The following BCAS3 variants were observed in gnomAD, a reference collection of about 807,000 sequenced individuals.
The protein encoded by BCAS3 is BCAS3 microtubule associated cell migration factor, also known as BCAS4/BCAS3 fusion.
A neutral mutation model predicts 116.1 loss-of-function variants in BCAS3; 53 were observed. That is an observed-to-expected ratio of 0.46 (90% CI 0.37 to 0.57). The LOEUF (loss-of-function observed/expected upper bound fraction) is 0.57. BCAS3 is among the 20% of genes least tolerant of loss of function. The pLI is 0.00. For missense variants in BCAS3, 917 were observed against 1,165.4 expected (o/e 0.79, Z 3.10); for synonymous variants, 391 against 408.2 (o/e 0.96, Z 0.51).
intron 22 of BCAS3, among the ~76,000 whole-genome samples, chr17:61,296,469 T>TC (rs2052918796): frequency 1.3e-5 from 2 of 152,202 alleles, no homozygotes; most frequent in Admixed American, 1.3e-4. Context: ...TCTGCCTCTT[T>TC]TTGAAAAAGG....
At chr17:61,357,245 A>AAAAT (rs142837090) in intron 22 of BCAS3, among the ~76,000 whole-genome samples, 19 of 139,650 alleles carry the variant, frequency 1.4e-4, no homozygotes, top group African/African-American at 4.0e-4. Flanking sequence ...ATATCTACAA[A>AAAAT]AAATAAATAA....
In BCAS3 at chr17:61,193,509, G is replaced by T. The variant is rs143460788; in HGVS notation, c.2425+108945G>T. On this transcript the variant is annotated intron_variant, in intron 22 of 23. Transcript: ENST00000407086. The stretch of plus-strand genomic sequence containing the variant: ...GCGGTGGCTCACGCCTGTAATCCCA[G>T]CACTTTGGGAGGCCGAGATGGGTGG... Among the ~76,000 whole-genome samples, 5 of 152,066 alleles carry T rather than the reference G, an allele frequency of 3.3e-5. 1 individual carries two copies. Among genetic ancestry groups the T allele is most frequent in the Admixed American group, 3.3e-4 (5 of 15,270 alleles).
At chr17:61,107,734 G>A (rs553440911) in intron 22 of BCAS3, among the ~76,000 whole-genome samples, 18 of 152,220 alleles carry the variant, frequency 1.2e-4, no homozygotes, top group African/African-American at 3.9e-4. Flanking sequence ...TATGGATGTC[G>A]CACAGTTTAG....
At chr17:61,100,410 G>A (rs756823538) in intron 22 of BCAS3, among the ~76,000 whole-genome samples, 27 of 152,188 alleles carry the variant, frequency 1.8e-4, no homozygotes, top group Non-Finnish European at 3.8e-4. Context: ...TTAAGCCAGA[G>A]AGAACTTACT....
At chr17:61,036,654 C>T (rs911245628) in intron 17 of BCAS3, among the ~76,000 whole-genome samples, 1 of 152,100 alleles carries the variant, frequency 6.6e-6, no homozygotes, top group Non-Finnish European at 1.5e-5. Flanking sequence ...GATAAGATGA[C>T]CTACCCAGCA....
In BCAS3 at chr17:61,364,136, G is replaced by A. The variant is rs773030507; in HGVS notation, c.2426-4191G>A. Among the ~76,000 whole-genome samples, 7 of 152,202 alleles carry A rather than the reference G, an allele frequency of 4.6e-5. No homozygotes were observed. Among genetic ancestry groups the A allele is most frequent in the African/African-American group, 9.6e-5 (4 of 41,456 alleles). ...CCACTGATTGTATCCTCTCTATGAC[G>A]TCTCAGGACGGTAGAAATGATCAGG... On this transcript the variant is annotated intron_variant, in intron 22 of 23. Transcript: ENST00000407086. The surrounding 1 kb of genome is among the most constrained non-coding windows in gnomAD (Gnocchi z 5.4).
intron 22 of BCAS3, among the ~76,000 whole-genome samples, chr17:61,206,881 C>G (rs1271857417): frequency 6.8e-6 from 1 of 146,170 alleles, no homozygotes; most frequent in Admixed American, 6.8e-5. Flanking sequence ...TTGATCCAAT[C>G]AAGTTGTTTT....
Position 61,128,483 on chromosome 17 carries a change from A to G in BCAS3, c.2425+43919A>G, listed in dbSNP as rs893323608. On this transcript the variant is annotated intron_variant, in intron 22 of 23. Transcript: ENST00000407086. This position sits in a 1 kb window ranked among gnomAD's most constrained non-coding sequence, Gnocchi z 4.1. ...ATTTGGAGAATGTTCTGTGTTTTCA[A>G]AGACAGAGGTTAACAAGCAATGGAC... 10 of 985,308 alleles carry G rather than the reference A, an allele frequency of 1.0e-5. No homozygotes were observed. The highest frequency in any genetic ancestry group is 1.7e-5 in the African/African-American group (1 of 57,248). The allele number at this position is 985,308 out of a possible 1,614,324, so 61.0% of individuals were successfully genotyped here.
chr17:61,059,593 A>G (rs1600854662), intron 19 of BCAS3, among the ~76,000 whole-genome samples: 1 of 152,182 alleles, frequency 6.6e-6, no homozygotes, highest in Non-Finnish European at 1.5e-5. Flanking sequence ...CACCTACTTT[A>G]TGACAGATAC....
intron 22 of BCAS3, among the ~76,000 whole-genome samples, chr17:61,117,706 A>G (rs1282787803): frequency 6.6e-6 from 1 of 152,066 alleles, no homozygotes; most frequent in Non-Finnish European, 1.5e-5. Context: ...GGTTTTTTAG[A>G]GCAATTTTAG....
rs117181723 is a variant in BCAS3, at chr17:60,750,378, A to G, written c.403+3099A>G. Among the ~76,000 whole-genome samples, 658 of 152,268 alleles carry G rather than the reference A, an allele frequency of 4.3e-3. 6 individuals carry two copies. The highest frequency in any genetic ancestry group is 0.017 in the East Asian group (86 of 5,180). The stretch of plus-strand genomic sequence containing the variant: ...TCTGCTTTAAAAATGTATACCAAGC[A>G]TCATACTCAGTGTTGATATATTGAA... On this transcript the variant is annotated intron_variant, in intron 6 of 23. Transcript: ENST00000407086.
chr17:61,111,765 A>C (rs2075109702), intron 22 of BCAS3, among the ~76,000 whole-genome samples: 3 of 121,268 alleles, frequency 2.5e-5, no homozygotes, highest in African/African-American at 9.2e-5. Flanking sequence ...GAGAAGAGCA[A>C]CTCCAAGACA....
intron 7 of BCAS3, among the ~76,000 whole-genome samples, chr17:60,817,047 A>G (rs1320653371): frequency 6.6e-6 from 1 of 152,204 alleles, no homozygotes. Flanking sequence ...AGCTCTCACC[A>G]AATAATCCCA....
chr17:60,947,432 C>T, intron 14 of BCAS3, 80 bp downstream of exon 14: 2 of 1,377,342 alleles, frequency 1.5e-6, no homozygotes, highest in Middle Eastern at 1.9e-4. Flanking sequence ...TATTACATTG[C>T]AGCTTAATGT....
Position 61,244,194 on chromosome 17 carries a change from G to A in BCAS3, c.2426-124133G>A, listed in dbSNP as rs1023643953. Among the ~76,000 whole-genome samples, 2 of 152,066 alleles carry A rather than the reference G, an allele frequency of 1.3e-5. No individual in the cohort carries two copies. Among genetic ancestry groups the A allele is most frequent in the Non-Finnish European group, 2.9e-5 (2 of 68,004 alleles). On this transcript the variant is annotated intron_variant, in intron 22 of 23. Coordinates refer to ENST00000407086, the MANE Select transcript of BCAS3 (RefSeq NM_017679.5). The surrounding 1 kb of genome is among the most constrained non-coding windows in gnomAD (Gnocchi z 4.9). ...GCTTAAGAAAAAACAGAAGAAAAAA[G>A]AAAACTAAAATCACTTGTAATTTCC...
intron 5 of BCAS3, among the ~76,000 whole-genome samples, chr17:60,739,211 TA>T (rs1386476583): frequency 7.9e-5 from 12 of 152,358 alleles, no homozygotes; most frequent in Non-Finnish European, 1.8e-4. Flanking sequence ...CACATATGCA[TA>T]AGTGCATATA....
intron 22 of BCAS3, among the ~76,000 whole-genome samples, chr17:61,322,812 G>GAGAGAGAGAGAC (rs2055360205): frequency 2.0e-4 from 26 of 131,424 alleles, no homozygotes; most frequent in Admixed American, 1.6e-3. Context: ...GAGAGAGAGA[G>GAGAGAGAGAGAC]AGAGAGAGAG....
intron 7 of BCAS3, among the ~76,000 whole-genome samples, chr17:60,815,185 G>A (rs1462794720): frequency 1.1e-4 from 17 of 151,958 alleles, no homozygotes; most frequent in African/African-American, 1.7e-4. Flanking sequence ...TCAGCAAACT[G>A]TTGCAAGGAC....
chr17:61,027,970 C>T (rs1416476140), intron 16 of BCAS3, among the ~76,000 whole-genome samples: 1 of 151,764 alleles, frequency 6.6e-6, no homozygotes, highest in African/African-American at 2.4e-5. Context: ...TTAACCAGTG[C>T]GAAGTTTTGA....
Sources: allele counts gnomAD v4.1 joint callset (sites outside exome capture counted in the v4.1 genomes callset), GRCh38; gene constraint gnomAD v4.1.1; non-coding constraint Gnocchi (gnomAD v3.1); transcripts MANE v1.5; gene names NCBI Gene and HGNC (gene_info 2026-07-23, HGNC 2026-07-21).